DNAJC19: variants seen among roughly 807,000 people sequenced by gnomAD.
The protein encoded by DNAJC19 is mitochondrial import inner membrane translocase subunit TIM14.
DNAJC19 carries 15 observed loss-of-function variants against 19.8 expected under a neutral mutation model. The ratio of observed to expected loss-of-function variants is 0.76; its 90% CI spans 0.51 to 1.17. The LOEUF is 1.17. Among genes scored for constraint, DNAJC19 ranks in the 50% most tolerant of loss-of-function variants. DNAJC19 has a pLI of 0.00. For synonymous variants in DNAJC19, 38 were observed against 42.1 expected (o/e 0.90, Z 0.38); for missense variants, 105 against 140.9 (o/e 0.75, Z 1.29).
At chr3:180,989,763 G>A (rs1425292894), upstream of DNAJC19, 7 of 1,195,504 alleles carry the variant, frequency 5.9e-6, no homozygotes, top group Admixed American at 1.2e-4. Context: ...AACTAGGCCG[G>A]AAAACTGTCG....
rs1714811182 is a variant in DNAJC19 at position 180,984,728 on chromosome 3, AAAG to A, written c.281-21_281-19del. On this transcript the variant is annotated intron_variant, in intron 5 of 5. Transcript: ENST00000382564. ...AGATCCTCCTATAGGAAGAAAGAAA[AAAG>A]AACAGTTACAATATGGATTCTCAAT... 1.5e-5 allele frequency: 23 copies of A among 1,566,234 alleles called. 1 individual carries two copies. Among genetic ancestry groups the A allele is most frequent in the East Asian group, 1.1e-4 (5 of 44,388 alleles).
chr3:180,987,012 C>T lies in DNAJC19; in HGVS notation c.140G>A (p.Gly47Asp). 6.2e-7 allele frequency: 1 copy of T among 1,613,774 alleles called. No homozygotes were observed. Among genetic ancestry groups the T allele is most frequent in the Non-Finnish European group, 8.5e-7 (1 of 1,179,800 alleles). The change falls in exon 4 of 6, where the codon GGT (glycine) becomes GAT (aspartate). Residue 47 changes from glycine to aspartate, a missense_variant. Coordinates refer to ENST00000382564, the MANE Select transcript of DNAJC19 (RefSeq NM_145261.4). ...TTCAAACCCACCTCTATAATAGCCA[C>T]CACTGAAGGCCTGAAAGAAGAAATG... is the stretch of plus-strand genomic sequence containing the variant. ...FQSLPKSAFS[G>D]GYYRGGFEPK...
chr3:180,987,185 T>C (rs940659865), intron 3 of DNAJC19, 163 bp from the exon 4 acceptor site: 1 of 661,198 alleles, frequency 1.5e-6, no homozygotes, highest in African/African-American at 1.8e-5. Context: ...AGTTTATAAA[T>C]AAGTAGCAAC....
chr3:180,986,286 GTTTTT>G (rs138755965), intron 4 of DNAJC19, among the ~76,000 whole-genome samples: 1 of 138,604 alleles, frequency 7.2e-6, no homozygotes. Context: ...GAAGAGTTTT[GTTTTT>G]TTTTTTTTTT....
intron 1 of DNAJC19, among the ~76,000 whole-genome samples, chr3:180,988,556 C>A (rs1350468412): frequency 6.6e-6 from 1 of 151,924 alleles, no homozygotes; most frequent in Non-Finnish European, 1.5e-5. Flanking sequence ...ATCTGTTATG[C>A]TGAATGCATT....
chr3:180,987,221 CAG>C (rs1457217295), intron 3 of DNAJC19, 199 bp from the exon 4 acceptor site: 1 of 598,802 alleles, frequency 1.7e-6, no homozygotes, highest in African/African-American at 1.9e-5. Flanking sequence ...GATCATTAAA[CAG>C]ATTCATTTTT....
rs570343804 is a variant in DNAJC19 at position 180,988,873 on chromosome 3, G to C, written c.4-644C>G. Among the ~76,000 whole-genome samples, 626 of 151,932 alleles carry C rather than the reference G, an allele frequency of 4.1e-3. 4 individuals are homozygous for C. Among genetic ancestry groups the C allele is most frequent in the Non-Finnish European group, 7.8e-3 (529 of 67,942 alleles). On this transcript the variant is annotated intron_variant, in intron 1 of 5. Transcript: ENST00000382564. Reference sequence around the variant, plus strand: ...AAAAAAAAAAAAATTAGCTGGGCGTGGTGGTGGGCGCCTGTAATCCCAGCT... The same window carrying C: ...AAAAAAAAAAAAATTAGCTGGGCGTCGTGGTGGGCGCCTGTAATCCCAGCT...
intron 1 of DNAJC19, 70 bp from the exon 2 acceptor site, chr3:180,988,299 C>T: frequency 6.4e-7 from 1 of 1,567,612 alleles, no homozygotes; most frequent in Non-Finnish European, 8.8e-7. Flanking sequence ...CCCATTCTTC[C>T]ATCCCCAACT....
chr3:180,988,353 CTTTTTTTTTTTT>C (rs369840102), intron 1 of DNAJC19, 124 bp from the exon 2 acceptor site: 4 of 649,770 alleles, frequency 6.2e-6, no homozygotes, highest in South Asian at 5.5e-5. Flanking sequence ...TTTTTTTTTT[CTTTTTTTTTTTT>C]TTTTTTTAAG....
Position 180,987,025 on chromosome 3 carries a change from G to C in DNAJC19, c.130-3C>G. The C allele has an allele frequency of 6.2e-7, 1 of 1,613,212 alleles. No homozygotes were observed. The highest frequency in any genetic ancestry group is 8.5e-7 in the Non-Finnish European group (1 of 1,179,242). ...CTATAATAGCCACCACTGAAGGCCT[G>C]AAAGAAGAAATGCATTTGTAAAGAA... On this transcript the variant is annotated splice_region_variant and splice_polypyrimidine_tract_variant and intron_variant, in intron 3 of 5. Coordinates refer to ENST00000382564, the MANE Select transcript of DNAJC19 (RefSeq NM_145261.4).
In DNAJC19 at chr3:180,986,935, T is replaced by G. The variant is rs763596412; in HGVS notation, c.209+8A>C. On this transcript the variant is annotated splice_region_variant and intron_variant, in intron 4 of 5. Transcript: ENST00000382564. Reference sequence around the variant, plus strand: ...GAAAAATGCTAAAAATATTAGAGATTATTTTACCTTACACCTAGTATTAAT... The same window carrying G: ...GAAAAATGCTAAAAATATTAGAGATGATTTTACCTTACACCTAGTATTAAT... 2 of 1,611,042 alleles carry G rather than the reference T, an allele frequency of 1.2e-6. No homozygotes were observed. The highest frequency in any genetic ancestry group is 2.2e-5 in the South Asian group (2 of 91,004).
At position 180,983,835 on chromosome 3, in the gene DNAJC19, T is replaced by C. The variant is rs1213396955; in HGVS notation, c.*805A>G. 4.4e-6 allele frequency: 2 copies of C among 454,068 alleles called. No individual in the cohort carries two copies. Among genetic ancestry groups the C allele is most frequent in the South Asian group, 3.1e-5 (2 of 64,472 alleles). The allele number at this position is 454,068 out of a possible 1,614,324, so 28.1% of individuals were successfully genotyped here. ...CAGGGTTTAAGCTTAATCATAACAA[T>C]TGCAGAAGTTTGATTATGTCAAGAA... On this transcript the variant is annotated 3_prime_UTR_variant, in exon 6 of 6. Transcript: ENST00000382564.
rs969387870 is a variant in DNAJC19, at chr3:180,984,294, C to G, written c.*346G>C. On this transcript the variant is annotated 3_prime_UTR_variant, in exon 6 of 6. Transcript: ENST00000382564. ...CATACTATTTATCACAGTCTAATTA[C>G]CAGTTTATCAGTCTCCCATTAAAGT... 5 of 457,130 alleles carry G rather than the reference C, an allele frequency of 1.1e-5. No homozygotes were observed. Among genetic ancestry groups the G allele is most frequent in the Non-Finnish European group, 1.7e-5 (4 of 228,944 alleles). 28.3% of individuals were successfully genotyped at this position (457,130 alleles called of 1,614,324 possible). A position where few individuals can be genotyped will look rare whatever the true frequency, so the allele number is the denominator to read the frequency against.
Position 180,986,008 on chromosome 3 carries a change from A to T in DNAJC19, c.210-12T>A, listed in dbSNP as rs1203551473. The T allele has an allele frequency of 2.5e-6, 4 of 1,607,012 alleles. No individual in the cohort carries two copies. In the East Asian group the frequency reaches 8.9e-5, roughly 36 times the overall value. The stretch of plus-strand genomic sequence containing the variant: ...TATTGGCAGTAGGGCTAATTAAAAA[A>T]AGAAATGGTATTTACTTCATCCTAC... On this transcript the variant is annotated splice_polypyrimidine_tract_variant and intron_variant, in intron 4 of 5. Transcript: ENST00000382564.
intron 3 of DNAJC19, 73 bp from the exon 4 acceptor site, chr3:180,987,095 T>C (rs1045542456): frequency 7.5e-7 from 1 of 1,337,460 alleles, no homozygotes; most frequent in Non-Finnish European, 1.1e-6. Context: ...TCTGGAAATA[T>C]TCACAGAACT....
Position 180,984,690 on chromosome 3 carries a change from C to A in DNAJC19, c.301G>T (p.Ala101Ser). The change falls in exon 6 of 6, where the codon GCC (alanine) becomes TCC (serine). Residue 101 changes from alanine (A) to serine (S), a missense_variant. By Grantham distance (99) the Ala-to-Ser change is moderately conservative. Coordinates refer to ENST00000382564, the MANE Select transcript of DNAJC19 (RefSeq NM_145261.4). Reference sequence around the variant, plus strand: ...AAATCTTTAGCTTCATTGATTTTGGCTGCTATATAAGGAGATCCTCCTATA... The same window carrying A: ...AAATCTTTAGCTTCATTGATTTTGGATGCTATATAAGGAGATCCTCCTATA... ...PDKGGSPYIA[A>S]KINEAKDLLE... The A allele has an allele frequency of 6.2e-7, 1 of 1,608,202 alleles. No homozygotes were observed. Among genetic ancestry groups the A allele is most frequent in the Non-Finnish European group, 8.5e-7 (1 of 1,176,042 alleles).
At chr3:180,986,028 T>C in intron 4 of DNAJC19, 32 bp from the exon 5 acceptor site, 3 of 1,562,402 alleles carry the variant, frequency 1.9e-6, no homozygotes, top group Non-Finnish European at 1.8e-6. Flanking sequence ...ATTTACTTCA[T>C]CCTACTTCTG....
chr3:180,988,599 G>T (rs1016367768), intron 1 of DNAJC19, among the ~76,000 whole-genome samples: 3 of 151,990 alleles, frequency 2.0e-5, no homozygotes, highest in African/African-American at 4.8e-5. Flanking sequence ...GGGAAAGAGG[G>T]CAAGTTCGAC....
At chr3:180,987,818 C>A in intron 3 of DNAJC19, 1 of 631,222 alleles carries the variant, frequency 1.6e-6, no homozygotes, top group Non-Finnish European at 2.7e-6. Context: ...TTGTCAAAAC[C>A]CCATCCAACT....
Sources: allele counts gnomAD v4.1 joint callset (sites outside exome capture counted in the v4.1 genomes callset), GRCh38; gene constraint gnomAD v4.1.1; transcripts MANE v1.5; gene names NCBI Gene and HGNC (gene_info 2026-07-23, HGNC 2026-07-21).